CSGALNACT1: variants seen among roughly 807,000 people sequenced by gnomAD.
CSGALNACT1 encodes beta4GalNAcT-1.
Under a neutral mutation model 51.0 loss-of-function variants are expected in CSGALNACT1, and 52 were observed. That is an observed-to-expected ratio of 1.02 (90% CI 0.82 to 1.29). The LOEUF is 1.29. CSGALNACT1 is among the 50% of genes most tolerant of loss of function. The pLI is 0.00. For synonymous variants in CSGALNACT1, 341 were observed against 254.4 expected, an observed-to-expected ratio of 1.34 and a Z score of -3.24; for missense variants, 935 against 679.2, an observed-to-expected ratio of 1.38 and a Z score of -4.19.
chr8:19,687,706 T>C (rs1314759639), intron 1 of CSGALNACT1, among the ~76,000 whole-genome samples: 1 of 152,218 alleles, frequency 6.6e-6, no homozygotes, highest in African/African-American at 2.4e-5. Context: ...TATTATCAAC[T>C]CTAGTCTTTG....
At chr8:19,474,334 G>T (rs11778734) in intron 4 of CSGALNACT1, among the ~76,000 whole-genome samples, 119,016 of 152,052 alleles carry the variant, frequency 0.78, 46,864 homozygotes, top group East Asian at 0.87. Context: ...AAAGAAAGTT[G>T]GAAACTATTA....
exon 6 of CSGALNACT1, chr8:19,439,838 G>C (rs543096165): frequency 6.2e-7 from 1 of 1,611,742 alleles, no homozygotes; most frequent in East Asian, 2.2e-5. Flanking sequence ...ACTTGGAAGT[G>C]TTTTCAAGTA....
At chr8:19,616,558 T>TG (rs1328021932) in intron 1 of CSGALNACT1, among the ~76,000 whole-genome samples, 3 of 152,104 alleles carry the variant, frequency 2.0e-5, no homozygotes, top group Admixed American at 2.0e-4. Context: ...ATGTTGGAGG[T>TG]GGGGCCTCCT....
intron 4 of CSGALNACT1, among the ~76,000 whole-genome samples, chr8:19,488,831 C>T (rs1440725999): frequency 6.6e-6 from 1 of 152,112 alleles, no homozygotes; most frequent in African/African-American, 2.4e-5. Context: ...GTATACCTGA[C>T]ACAATCAGTT....
chr8:19,572,950 G>T (rs1292666840), intron 3 of CSGALNACT1, among the ~76,000 whole-genome samples: 3 of 152,144 alleles, frequency 2.0e-5, no homozygotes, highest in Non-Finnish European at 4.4e-5. Flanking sequence ...TATTTGAAAA[G>T]CAAGAAGGCA....
chr8:19,463,627 T>C (rs1374249592), intron 4 of CSGALNACT1, among the ~76,000 whole-genome samples: 1 of 152,216 alleles, frequency 6.6e-6, no homozygotes, highest in East Asian at 1.9e-4. Flanking sequence ...ATCTTCCTTG[T>C]CATCTTGTGC....
At chr8:19,474,544 C>A (rs565930707) in intron 4 of CSGALNACT1, among the ~76,000 whole-genome samples, 11 of 152,076 alleles carry the variant, frequency 7.2e-5, no homozygotes, top group African/African-American at 2.7e-4. Context: ...CCCATCAATC[C>A]AATAACTTAT....
chr8:19,463,314 A>G (rs2153829766), intron 4 of CSGALNACT1, among the ~76,000 whole-genome samples: 1 of 152,206 alleles, frequency 6.6e-6, no homozygotes, highest in East Asian at 1.9e-4. Context: ...CTCTCTTGCA[A>G]CCTAAGTCCA....
chr8:19,418,689 G>T (rs576323297), exon 8 of CSGALNACT1: 13 of 1,613,558 alleles, frequency 8.1e-6, no homozygotes, highest in Non-Finnish European at 9.3e-6. Context: ...CTGCATCATG[G>T]TGGCCGTATA....
chr8:19,669,891 T>C (rs1360251658), intron 1 of CSGALNACT1, among the ~76,000 whole-genome samples: 2 of 152,158 alleles, frequency 1.3e-5, no homozygotes, highest in African/African-American at 4.8e-5. Flanking sequence ...TACCTTTCAG[T>C]TTCATCTCCC....
At chr8:19,609,672 C>T (rs2154151623) in intron 1 of CSGALNACT1, among the ~76,000 whole-genome samples, 1 of 150,598 alleles carries the variant, frequency 6.6e-6, no homozygotes, top group Non-Finnish European at 1.5e-5. Flanking sequence ...GTGAGAGGGG[C>T]AAAGAAGGAC....
intron 4 of CSGALNACT1, among the ~76,000 whole-genome samples, chr8:19,484,981 A>G (rs906045570): frequency 1.3e-5 from 2 of 152,028 alleles, no homozygotes; most frequent in Admixed American, 6.5e-5. Flanking sequence ...CTCCGAAAAA[A>G]CCAGACCTGC....
chr8:19,459,950 G>T (rs950438928), intron 4 of CSGALNACT1, among the ~76,000 whole-genome samples: 1 of 152,144 alleles, frequency 6.6e-6, no homozygotes, highest in African/African-American at 2.4e-5. Flanking sequence ...TATGAACTCA[G>T]CATCTCAGCT....
intron 3 of CSGALNACT1, among the ~76,000 whole-genome samples, chr8:19,553,753 G>T (rs553791933): frequency 1.3e-5 from 2 of 150,572 alleles, no homozygotes; most frequent in Non-Finnish European, 3.0e-5. Flanking sequence ...GAAACAAATG[G>T]GACCCCAAAG....
intron 3 of CSGALNACT1, among the ~76,000 whole-genome samples, chr8:19,523,688 T>C (rs749558962): frequency 6.6e-6 from 1 of 152,188 alleles, no homozygotes; most frequent in African/African-American, 2.4e-5. Context: ...TCATCAAATA[T>C]CTATTAAATG....
chr8:19,551,607 T>G (rs2088115128), intron 3 of CSGALNACT1, among the ~76,000 whole-genome samples: 1 of 152,208 alleles, frequency 6.6e-6, no homozygotes, highest in Admixed American at 6.5e-5. Context: ...TCTGGTTTGC[T>G]TACAGTTCCA....
chr8:19,485,979 T>A (rs1445693690), intron 4 of CSGALNACT1, among the ~76,000 whole-genome samples: 1 of 151,910 alleles, frequency 6.6e-6, no homozygotes, highest in Non-Finnish European at 1.5e-5. Flanking sequence ...TTGATCATGC[T>A]GGTCTCAAAC....
chr8:19,439,702 G>A, intron 6 of CSGALNACT1, 128 bp downstream of exon 5: 3 of 759,152 alleles, frequency 4.0e-6, no homozygotes, highest in Non-Finnish European at 6.9e-6. Context: ...AACACAGCCA[G>A]CAATCAATCC....
intron 3 of CSGALNACT1, among the ~76,000 whole-genome samples, chr8:19,507,746 G>A (rs1408224419): frequency 5.3e-5 from 8 of 152,110 alleles, no homozygotes; most frequent in Admixed American, 5.2e-4. Context: ...CCCTGCCTCA[G>A]CCTCCTGAGT....
Sources: gnomAD v4.1 joint callset for allele counts (sites outside exome capture counted in the v4.1 genomes callset) on GRCh38, gnomAD v4.1.1 for gene constraint, MANE v1.5 for transcripts, NCBI Gene and HGNC (gene_info 2026-07-23, HGNC 2026-07-21) for gene names.